SAMD12: variants seen among roughly 807,000 people sequenced by gnomAD.
SAMD12 encodes the protein sterile alpha motif domain containing 12.
A neutral mutation model predicts 15.0 loss-of-function variants in SAMD12; 9 were observed. The observed-to-expected ratio is 0.60, with a 90% CI of 0.36 to 1.05. The LOEUF (loss-of-function observed/expected upper bound fraction) is 1.05. Ranked by LOEUF, SAMD12 falls within the 50% of genes least tolerant of loss-of-function variation. SAMD12 has a pLI of 0.01. For synonymous variants in SAMD12, 86 were observed against 90.1 expected (o/e 0.96, Z 0.25); for missense variants, 230 against 234.2 (o/e 0.98, Z 0.12).
chr8:118,523,935 C>T (rs529220182), intron 2 of SAMD12, among the ~76,000 whole-genome samples: 19 of 152,272 alleles, frequency 1.2e-4, no homozygotes, highest in Admixed American at 1.0e-3. Flanking sequence ...GTGGATGCTC[C>T]TTTAAGTCAA....
intron 2 of SAMD12, among the ~76,000 whole-genome samples, chr8:118,580,243 T>C (rs924219333): frequency 4.6e-5 from 7 of 152,154 alleles, no homozygotes; most frequent in African/African-American, 1.7e-4. Context: ...TAATTAACAA[T>C]ACCTGTAAGC....
chr8:118,367,944 A>T (rs1398736962), intron 4 of SAMD12, among the ~76,000 whole-genome samples: 2 of 152,210 alleles, frequency 1.3e-5, no homozygotes, highest in African/African-American at 4.8e-5. Context: ...AAATGACCTA[A>T]TGGATTCCCA....
chr8:118,361,026 G>A (rs1200646375), intron 4 of SAMD12, among the ~76,000 whole-genome samples: 1 of 152,054 alleles, frequency 6.6e-6, no homozygotes, highest in Admixed American at 6.6e-5. Flanking sequence ...ATGTTCTGGT[G>A]GTCTAGCTTT....
intron 2 of SAMD12, among the ~76,000 whole-genome samples, chr8:118,514,411 C>T (rs1825172913): frequency 6.6e-6 from 1 of 152,220 alleles, no homozygotes; most frequent in Non-Finnish European, 1.5e-5. Context: ...CATATTCCCA[C>T]TTCCATTCAT....
At chr8:118,276,410 T>G (rs1211524735) in intron 4 of SAMD12, among the ~76,000 whole-genome samples, 1 of 152,200 alleles carries the variant, frequency 6.6e-6, no homozygotes, top group Non-Finnish European at 1.5e-5. Context: ...AATTCTGTCT[T>G]TTGATATTAT....
In SAMD12 at chr8:118,535,940, GCTGCACCCACTGTC is replaced by G. The variant is rs1185304042; in HGVS notation, c.192+44761_192+44774del. On this transcript the variant is annotated intron_variant, in intron 2 of 3. Transcript: ENST00000314727. ...CCCTGCTTCAGCTCATGGTCTGTGG[GCTGCACCCACTGTC>G]CTGCACCCACTGTCCAACAAACCCC... Among the ~76,000 whole-genome samples, 4 of 152,184 alleles carry G rather than the reference GCTGCACCCACTGTC, an allele frequency of 2.6e-5. No individual in the cohort carries two copies. The East Asian group carries it at 7.7e-4, about 29-fold the overall frequency.
At chr8:118,258,114 A>G (rs1437936279) in intron 4 of SAMD12, among the ~76,000 whole-genome samples, 1 of 152,156 alleles carries the variant, frequency 6.6e-6, no homozygotes, top group Middle Eastern at 3.2e-3. Flanking sequence ...GAAAGGCACA[A>G]GCATTTGCAA....
At chr8:118,260,825 C>T (rs1813060411) in intron 4 of SAMD12, among the ~76,000 whole-genome samples, 2 of 152,074 alleles carry the variant, frequency 1.3e-5, no homozygotes, top group South Asian at 4.1e-4. Flanking sequence ...TCAGTTAGAC[C>T]AAGGAGTGGT....
intron 4 of SAMD12, among the ~76,000 whole-genome samples, chr8:118,318,355 T>TATAC (rs1554630371): frequency 3.5e-4 from 39 of 110,800 alleles, no homozygotes; most frequent in African/African-American, 1.1e-3. Context: ...TATATATATA[T>TATAC]ACATATATAC....
Position 118,238,869 on chromosome 8 carries a change from G to A in SAMD12, c.434-41137C>T, listed in dbSNP as rs56249799. Among the ~76,000 whole-genome samples the A allele has an allele frequency of 7.2e-3, 1,098 of 152,194 alleles. 12 individuals are homozygous for A. The highest frequency in any genetic ancestry group is 0.024 in the African/African-American group (991 of 41,520). On this transcript the variant is annotated intron_variant, in intron 4 of 4. Transcript: ENST00000409003. ...TGGACTATCACTCCAAGAGATTTGC[G>A]TTGAATCTGATTACAGGGCTTGTTA...
At chr8:118,213,579 T>C (rs187651167) in intron 4 of SAMD12, among the ~76,000 whole-genome samples, 3 of 152,320 alleles carry the variant, frequency 2.0e-5, no homozygotes, top group East Asian at 1.9e-4. Flanking sequence ...CTTGCCCAAA[T>C]TGCAAAATCA....
At chr8:118,430,347 A>T (rs1822362119) in intron 3 of SAMD12, among the ~76,000 whole-genome samples, 2 of 149,618 alleles carry the variant, frequency 1.3e-5, no homozygotes, top group Non-Finnish European at 3.0e-5. Context: ...TGGAGAATGT[A>T]ACCCTGTATC....
chr8:118,585,708 G>A lies in SAMD12; in HGVS notation c.14-4815C>T, dbSNP rs1586837530. The stretch of plus-strand genomic sequence containing the variant: ...TGGAAAGGAAATGTTCTCCAAAACA[G>A]GTCTTGTCCTAATCAGCAGAAGCAG... On this transcript the variant is annotated intron_variant, in intron 1 of 3. Transcript: ENST00000314727. Among the ~76,000 whole-genome samples, 3 of 152,190 alleles carry A rather than the reference G, an allele frequency of 2.0e-5. No individual in the cohort carries two copies. In the South Asian group the frequency reaches 6.2e-4, roughly 31 times the overall value.
intron 2 of SAMD12, among the ~76,000 whole-genome samples, chr8:118,532,397 TC>T (rs1825713500): frequency 1.8e-5 from 2 of 109,778 alleles, no homozygotes; most frequent in African/African-American, 3.9e-5. Context: ...TCTAAAATTC[TC>T]TTTTTTTTGT....
chr8:118,339,925 C>T (rs1451366199), intron 4 of SAMD12, among the ~76,000 whole-genome samples: 1 of 152,232 alleles, frequency 6.6e-6, no homozygotes, highest in Non-Finnish European at 1.5e-5. Context: ...ATGTGCTACC[C>T]AGGCGGCATG....
the SAMD12 span, among the ~76,000 whole-genome samples, chr8:118,161,561 T>TAAAA: frequency 2.4e-5 from 3 of 126,742 alleles, no homozygotes; most frequent in Admixed American, 8.1e-5. Flanking sequence ...TAAGACTGTC[T>TAAAA]AAAAAAAAAA....
intron 4 of SAMD12, among the ~76,000 whole-genome samples, chr8:118,276,187 T>C (rs2130132699): frequency 6.6e-6 from 1 of 152,356 alleles, no homozygotes; most frequent in South Asian, 2.1e-4. Flanking sequence ...TGCATTGTTC[T>C]AGATTTCTAT....
intron 3 of SAMD12, among the ~76,000 whole-genome samples, chr8:118,426,141 A>G (rs982685077): frequency 2.0e-5 from 3 of 152,244 alleles, no homozygotes; most frequent in East Asian, 1.9e-4. Context: ...GTGTCATTAA[A>G]TGATTATCAA....
At chr8:118,444,724 T>C (rs1317106890) in intron 2 of SAMD12, among the ~76,000 whole-genome samples, 2 of 152,242 alleles carry the variant, frequency 1.3e-5, no homozygotes. Flanking sequence ...TTAAAGAAGG[T>C]TGAAATTGAA....
Sources: gnomAD v4.1 joint callset for allele counts (sites outside exome capture counted in the v4.1 genomes callset) on GRCh38, gnomAD v4.1.1 for gene constraint, MANE v1.5 for transcripts, NCBI Gene and HGNC (gene_info 2026-07-23, HGNC 2026-07-21) for gene names.